The following UNC50 variants were observed in gnomAD, a reference collection of about 807,000 sequenced individuals.
The protein encoded by UNC50 is unc-50 inner nuclear membrane RNA binding protein.
UNC50 carries 24 observed loss-of-function variants against 31.5 expected under a neutral mutation model. That is an observed-to-expected ratio of 0.76 (90% CI 0.55 to 1.07). UNC50 has a LOEUF of 1.07. Ranked by LOEUF, UNC50 falls within the 50% of genes least tolerant of loss-of-function variation. The pLI is 0.00. For missense variants in UNC50, 245 were observed against 304.2 expected (o/e 0.81, Z 1.45); for synonymous variants, 118 against 114.7 (o/e 1.03, Z -0.18).
At chr2:98,610,164 CA>C in intron 2 of UNC50, 125 bp downstream of exon 2, 1 of 1,047,188 alleles carries the variant, frequency 9.5e-7, no homozygotes, top group Non-Finnish European at 1.4e-6. Flanking sequence ...ACTGAAGCCT[CA>C]AAAAATCTCA....
chr2:98,608,906 G>A (rs771627720), intron 1 of UNC50, 180 bp downstream of exon 1: 6 of 237,020 alleles, frequency 2.5e-5, no homozygotes, highest in Non-Finnish European at 4.2e-5. Flanking sequence ...CATTTGCATC[G>A]TAGATAAAGA....
rs758263028 is a variant in UNC50, at chr2:98,618,232, C to T, written c.708C>T (p.Tyr236=). Residue 236 remains tyrosine (Y), a synonymous_variant, in exon 6 of 6, where the codon TAC becomes TAT. Transcript: ENST00000357765. ...CATTTGCACCTCTGATTCTGCTCTA[C>T]GGGCTTTCCCTGGCACTGGGATGGA... is the stretch of plus-strand genomic sequence containing the variant. The part of the protein sequence containing the change: ...LYPFAPLILL[Y]GLSLALGWNF... The T allele has an allele frequency of 1.3e-5, 21 of 1,611,896 alleles. No homozygotes were observed. Among genetic ancestry groups the T allele is most frequent in the African/African-American group, 4.0e-5 (3 of 74,650 alleles).
chr2:98,612,505 G>A (rs888572414), intron 3 of UNC50, among the ~76,000 whole-genome samples: 2 of 152,026 alleles, frequency 1.3e-5, no homozygotes, highest in African/African-American at 4.8e-5. Flanking sequence ...CGCCTCCCGG[G>A]TTCAAGCGAA....
Position 98,618,321 on chromosome 2 carries a change from T to C in UNC50, c.*17T>C, listed in dbSNP as rs1700972773. On this transcript the variant is annotated 3_prime_UTR_variant, in exon 6 of 6. Coordinates refer to ENST00000357765, the MANE Select transcript of UNC50 (RefSeq NM_014044.7). ...GTGAAATAAAAAGTGAGAAGAAGAT[T>C]CAATCGTAACTGTGTCAACAGTATT... is the stretch of plus-strand genomic sequence containing the variant. 2 of 1,587,258 alleles carry C rather than the reference T, an allele frequency of 1.3e-6. No homozygotes were observed. The highest frequency in any genetic ancestry group is 1.9e-5 in the Admixed American group (1 of 51,604).
At chr2:98,614,765 G>T (rs967862888) in intron 3 of UNC50, among the ~76,000 whole-genome samples, 1 of 152,254 alleles carries the variant, frequency 6.6e-6, no homozygotes, top group East Asian at 1.9e-4. Context: ...ACACATTCTT[G>T]GCTAAAAAGG....
chr2:98,609,633 C>T (rs1370617215), intron 1 of UNC50, 123 bp from the exon 2 acceptor site: 2 of 1,489,354 alleles, frequency 1.3e-6, no homozygotes, highest in Non-Finnish European at 1.8e-6. Flanking sequence ...GACTCCTGGC[C>T]TTTCTCTAGG....
In UNC50 at chr2:98,609,849, A is replaced by C; in HGVS notation, c.90A>C (p.Lys30Asn). Residue 30 changes from lysine (K) to asparagine (N), a missense_variant, in exon 2 of 6, where the codon AAA becomes AAC. Coordinates refer to ENST00000357765, the MANE Select transcript of UNC50 (RefSeq NM_014044.7). ...RDAARHTAGA[K>N]RYKYLRRLFR... ...CGGCAAGACACACAGCCGGAGCGAA[A>C]CGCTACAAATATCTGAGAAGGCTTT... 1.2e-6 allele frequency: 2 copies of C among 1,614,246 alleles called. No homozygotes were observed. Among genetic ancestry groups the C allele is most frequent in the Non-Finnish European group, 1.7e-6 (2 of 1,180,044 alleles).
Position 98,618,170 on chromosome 2 carries a change from T to G in UNC50, c.646T>G (p.Leu216Val). 2 of 1,561,822 alleles carry G rather than the reference T, an allele frequency of 1.3e-6. No individual in the cohort carries two copies. Among genetic ancestry groups the G allele is most frequent in the Non-Finnish European group, 1.7e-6 (2 of 1,155,156 alleles). The change falls in exon 6 of 6, where the codon TTG (leucine) becomes GTG (valine). Residue 216 changes from leucine (L) to valine (V), a missense_variant and splice_region_variant. Leu to Val is a conservative substitution (Grantham distance 32, BLOSUM62 1). Transcript: ENST00000357765. ...GTTTGGATTCCTTTCTTTTCCAGCA[T>G]TGCCATTTTTGAAAAATACAGTAAT... ...IYVTFLGYSA[L>V]PFLKNTVILL...
At chr2:98,617,144 T>C (rs952734974) in intron 5 of UNC50, among the ~76,000 whole-genome samples, 5 of 152,232 alleles carry the variant, frequency 3.3e-5, no homozygotes, top group Admixed American at 3.3e-4. Context: ...ATGAGGAACA[T>C]ATATTATTTT....
At chr2:98,611,950 C>T (rs1423236145) in intron 3 of UNC50, among the ~76,000 whole-genome samples, 1 of 151,888 alleles carries the variant, frequency 6.6e-6, no homozygotes, top group Non-Finnish European at 1.5e-5. Flanking sequence ...CTCTTTCTCT[C>T]ATACACACAC....
intron 3 of UNC50, among the ~76,000 whole-genome samples, chr2:98,614,151 A>T (rs1349918698): frequency 6.6e-6 from 1 of 152,228 alleles, no homozygotes; most frequent in Non-Finnish European, 1.5e-5. Context: ...TCAAACTCAC[A>T]CTATCTTTTC....
rs760419044 is a variant in UNC50, at chr2:98,618,285, A to T, written c.761A>T (p.Tyr254Phe). Residue 254 changes from tyrosine (Y) to phenylalanine (F), a missense_variant, in exon 6 of 6, where the codon TAT becomes TTT. Physicochemically the swap from Tyr to Phe is conservative, Grantham distance 22. Transcript: ENST00000357765. The part of the protein sequence containing the change: ...WNFTHTLCSF[Y>F]KYRVK ...TTCACCCATACTCTCTGTTCTTTCT[A>T]TAAGTACAGAGTGAAATAAAAAGTG... 5 of 1,605,568 alleles carry T rather than the reference A, an allele frequency of 3.1e-6. No individual in the cohort carries two copies. In the East Asian group the frequency reaches 8.9e-5, roughly 29 times the overall value.
rs907207050 is a variant in UNC50 at position 98,611,012 on chromosome 2, A to G, written c.401+117A>G. On this transcript the variant is annotated intron_variant, in intron 3 of 5. Coordinates refer to ENST00000357765, the MANE Select transcript of UNC50 (RefSeq NM_014044.7). ...CCCAGGTAGAGTTACTAAATGATCA[A>G]TTTTGACTGCCAAGATTATTACAAT... 16 of 1,209,310 alleles carry G rather than the reference A, an allele frequency of 1.3e-5. No homozygotes were observed. The African/African-American group carries it at 2.0e-4, about 15-fold the overall frequency. 74.9% of individuals were successfully genotyped at this position (1,209,310 alleles called of 1,614,324 possible). A position where few individuals can be genotyped will look rare whatever the true frequency, so the allele number is the denominator to read the frequency against.
intron 3 of UNC50, 57 bp from the exon 4 acceptor site, chr2:98,616,150 C>A: frequency 6.5e-7 from 1 of 1,549,658 alleles, no homozygotes. Context: ...AGAAAGTCGT[C>A]AGTAAACATT....
chr2:98,618,123 ATTTT>A, intron 5 of UNC50, 41 bp from the exon 6 acceptor site: 4 of 1,233,962 alleles, frequency 3.2e-6, no homozygotes, highest in South Asian at 1.7e-5. Flanking sequence ...TTAGTCATTT[ATTTT>A]TTTTTTTTTT....
In UNC50 at chr2:98,609,841, G is replaced by A. The variant is rs776246636; in HGVS notation, c.82G>A (p.Gly28Arg). The part of the protein sequence containing the change: ...NSRDAARHTA[G>R]AKRYKYLRRL... ...CAGGGATGCGGCAAGACACACAGCC[G>A]GAGCGAAACGCTACAAATATCTGAG... Residue 28 changes from glycine (G) to arginine (R), a missense_variant, in exon 2 of 6, where the codon GGA (glycine) becomes AGA (arginine). Gly to Arg is a moderately radical substitution (Grantham distance 125). Transcript: ENST00000357765. 3.2e-5 allele frequency: 52 copies of A among 1,614,220 alleles called. No homozygotes were observed. The East Asian group carries it at 5.3e-4, about 17-fold the overall frequency.
chr2:98,612,762 T>C (rs1423046064), intron 3 of UNC50, among the ~76,000 whole-genome samples: 4 of 152,264 alleles, frequency 2.6e-5, no homozygotes, highest in Admixed American at 2.6e-4. Context: ...TTCCAGATAC[T>C]GCAGTAAAGC....
intron 1 of UNC50, chr2:98,609,410 G>T: frequency 2.7e-6 from 1 of 366,756 alleles, no homozygotes; most frequent in Non-Finnish European, 5.0e-6. Context: ...GTGGTTAAGA[G>T]CACGGAATTT....
At chr2:98,611,915 C>T (rs999058082) in intron 3 of UNC50, among the ~76,000 whole-genome samples, 8 of 150,652 alleles carry the variant, frequency 5.3e-5, no homozygotes. Context: ...CTTCTCATGC[C>T]TTCCTACTGA....
Sources: gnomAD v4.1 joint callset for allele counts (sites outside exome capture counted in the v4.1 genomes callset) on GRCh38, gnomAD v4.1.1 for gene constraint, MANE v1.5 for transcripts, NCBI Gene and HGNC (gene_info 2026-07-23, HGNC 2026-07-21) for gene names.